ZNF33A: variants seen among roughly 807,000 people sequenced by gnomAD.
ZNF33A encodes the protein brain my041 protein.
In ZNF33A, 9 loss-of-function variants were observed where a neutral mutation model predicts 15.9. That is an observed-to-expected ratio of 0.57 (90% confidence interval 0.34 to 0.99). The LOEUF (loss-of-function observed/expected upper bound fraction) is 0.99. Among genes scored for constraint, ZNF33A ranks in the 50% least tolerant of loss-of-function variants. The probability of loss-of-function intolerance (pLI) is 0.02; values close to 1 mark genes in which losing one functional copy is unlikely to be tolerated. For synonymous variants in ZNF33A, 294 were observed against 324.2 expected (o/e 0.91, Z 1.00); for missense variants, 843 against 941.6 (o/e 0.90, Z 1.37).
chr10:38,056,245 A>G lies in ZNF33A; in HGVS notation c.2121A>G (p.Ser707=), dbSNP rs2066474847. 6.2e-7 allele frequency: 1 copy of G among 1,614,086 alleles called. No homozygotes were observed. The highest frequency in any genetic ancestry group is 8.5e-7 in the Non-Finnish European group (1 of 1,179,988). Residue 707 remains serine, a synonymous_variant, in exon 5 of 5, where the codon TCA becomes TCG. Transcript: ENST00000432900. ...ECGKFFRHKS[S]LTVHHRAHTG... Reference sequence around the variant, plus strand: ...GGAAATTCTTCAGGCACAAATCATCACTCACAGTACATCACAGGGCTCACA... The same window carrying G: ...GGAAATTCTTCAGGCACAAATCATCGCTCACAGTACATCACAGGGCTCACA...
intron 4 of ZNF33A, among the ~76,000 whole-genome samples, chr10:38,045,414 G>A (rs916787911): frequency 6.6e-6 from 1 of 152,166 alleles, no homozygotes; most frequent in Admixed American, 6.5e-5. Context: ...GATTGCTGAC[G>A]TATTGCTCTA....
rs1178126415 is a variant in ZNF33A, at chr10:38,055,821, C to T, written c.1697C>T (p.Ser566Leu). 2 of 1,613,692 alleles carry T rather than the reference C, an allele frequency of 1.2e-6. No homozygotes were observed. The highest frequency in any genetic ancestry group is 1.7e-6 in the Non-Finnish European group (2 of 1,179,762). ...TGTGGGAAATTCTTTAGCCATAAGT[C>T]AACCCTCTCTCAACATTATAGAACA... ...PECGKFFSHK[S>L]TLSQHYRTHT... Residue 566 changes from serine to leucine, a missense_variant, in exon 5 of 5, where the codon TCA becomes TTA. Transcript: ENST00000432900.
downstream of ZNF33A, among the ~76,000 whole-genome samples, chr10:38,066,468 G>A (rs142937717): frequency 2.7e-4 from 41 of 151,712 alleles, no homozygotes; most frequent in African/African-American, 8.0e-4. Context: ...TGGCCAGGCC[G>A]GTCTTGAATT....
rs1488541586 is a variant in ZNF33A at position 38,021,446 on chromosome 10, G to T, written c.250+4060G>T. Among the ~76,000 whole-genome samples, 4 of 9,194 alleles carry T rather than the reference G, an allele frequency of 4.4e-4. No individual in the cohort carries two copies. In the East Asian group the frequency reaches 0.015, roughly 34 times the overall value. The allele number at this position is 9,194 out of a possible 152,430, so 6.0% of individuals were successfully genotyped here. ...CCATGAGGTCAGGAATTCAAGAGTAGCCTGGATAACATGGTGAAACCCTGT... is the reference window on the plus strand; with the variant it reads ...CCATGAGGTCAGGAATTCAAGAGTATCCTGGATAACATGGTGAAACCCTGT... On this transcript the variant is annotated intron_variant, in intron 4 of 4. Transcript: ENST00000432900.
rs1468700376 is a variant in ZNF33A, at chr10:38,056,671, C to G, written c.*111C>G. 2.1e-6 allele frequency: 3 copies of G among 1,414,506 alleles called. No homozygotes were observed. The highest frequency in any genetic ancestry group is 2.8e-6 in the Non-Finnish European group (3 of 1,089,248). 87.6% of individuals were successfully genotyped at this position (1,414,506 alleles called of 1,614,324 possible). On this transcript the variant is annotated 3_prime_UTR_variant, in exon 5 of 5. Transcript: ENST00000432900. ...TAGGAAGTGATATTCTATGTAATAT[C>G]AGATGGTTAATACGGGCATAACACC...
chr10:38,019,717 T>C (rs1001985870), intron 4 of ZNF33A, among the ~76,000 whole-genome samples: 3 of 152,210 alleles, frequency 2.0e-5, no homozygotes, highest in Non-Finnish European at 4.4e-5. Flanking sequence ...CAAACCTACC[T>C]TTAAAAATTG....
intron 2 of ZNF33A, among the ~76,000 whole-genome samples, chr10:38,012,911 C>T (rs1236536934): frequency 6.6e-6 from 1 of 152,130 alleles, no homozygotes; most frequent in Non-Finnish European, 1.5e-5. Flanking sequence ...CAGACTGACT[C>T]CTCTGAAGGC....
intron 2 of ZNF33A, among the ~76,000 whole-genome samples, chr10:38,013,978 T>C (rs901882718): frequency 8.6e-5 from 13 of 150,904 alleles, no homozygotes; most frequent in African/African-American, 2.7e-4. Context: ...GTGGCAGAGT[T>C]GAATAGTTGT....
chr10:38,058,160 A>G lies in ZNF33A; in HGVS notation c.*1600A>G. ...CTGAAAAAACATTAGAGTAAAAATC[A>G]TTGAAATTGAAAAGAGAAAATCGAT... is the stretch of plus-strand genomic sequence containing the variant. On this transcript the variant is annotated 3_prime_UTR_variant, in exon 5 of 5. Coordinates refer to ENST00000432900, the MANE Select transcript of ZNF33A (RefSeq NM_006954.2). The G allele has an allele frequency of 1.4e-5, 10 of 703,332 alleles. No homozygotes were observed. The highest frequency in any genetic ancestry group is 1.7e-5 in the Non-Finnish European group (10 of 572,364). The allele number at this position is 703,332 out of a possible 1,614,324, so 43.6% of individuals were successfully genotyped here. A position where few individuals can be genotyped will look rare whatever the true frequency, so the allele number is the denominator to read the frequency against.
intron 4 of ZNF33A, among the ~76,000 whole-genome samples, chr10:38,042,983 C>T (rs1427499694): frequency 6.6e-6 from 1 of 152,130 alleles, no homozygotes; most frequent in Non-Finnish European, 1.5e-5. Context: ...GCCTTTTTTA[C>T]TCTCTCGTAT....
In ZNF33A at chr10:38,055,953, A is replaced by G. The variant is rs1445140875; in HGVS notation, c.1829A>G (p.Glu610Gly). ...NRTHTGEKPY[E>G]CNECGKAFYQ... ...ACACATACAGGGGAGAAACCCTATG[A>G]ATGTAATGAATGTGGAAAAGCCTTC... is the stretch of plus-strand genomic sequence containing the variant. The change falls in exon 5 of 5, where the codon GAA becomes GGA. Residue 610 changes from glutamate (E) to glycine (G), a missense_variant. Transcript: ENST00000432900. The G allele has an allele frequency of 1.2e-6, 2 of 1,614,034 alleles. No homozygotes were observed. The highest frequency in any genetic ancestry group is 3.3e-5 in the Admixed American group (2 of 60,016).
chr10:38,034,066 A>G (rs2135649657), intron 4 of ZNF33A, among the ~76,000 whole-genome samples: 1 of 152,224 alleles, frequency 6.6e-6, no homozygotes, highest in South Asian at 2.1e-4. Flanking sequence ...TCCTTTGTCA[A>G]TTTAAAACAT....
downstream of ZNF33A, chr10:38,064,076 A>C (rs1406878213): frequency 6.3e-7 from 1 of 1,595,932 alleles, no homozygotes; most frequent in Non-Finnish European, 8.5e-7. Flanking sequence ...CACCATCCTT[A>C]CTCCCTCCCA....
chr10:38,044,680 T>A (rs1453145530), intron 4 of ZNF33A, among the ~76,000 whole-genome samples: 1 of 152,056 alleles, frequency 6.6e-6, no homozygotes, highest in Non-Finnish European at 1.5e-5. Flanking sequence ...TTATTTTTAT[T>A]TTTTATTTTG....
intron 4 of ZNF33A, among the ~76,000 whole-genome samples, chr10:38,028,210 G>T (rs1216383948): frequency 6.6e-6 from 1 of 152,096 alleles, no homozygotes; most frequent in Admixed American, 6.6e-5. Context: ...CAAGGCTGCA[G>T]TGAGTCATGT....
At chr10:38,028,936 T>C (rs2065100173) in intron 4 of ZNF33A, among the ~76,000 whole-genome samples, 1 of 152,242 alleles carries the variant, frequency 6.6e-6, no homozygotes. Flanking sequence ...CAATGTCATA[T>C]GAAGACCTTG....
In ZNF33A at chr10:38,010,788, G is replaced by A; in HGVS notation, c.-45+5G>A. 3 of 1,598,460 alleles carry A rather than the reference G, an allele frequency of 1.9e-6. No homozygotes were observed. The highest frequency in any genetic ancestry group is 1.7e-6 in the Non-Finnish European group (2 of 1,179,796). On this transcript the variant is annotated splice_donor_5th_base_variant and intron_variant, in intron 1 of 4. Coordinates refer to ENST00000432900, the MANE Select transcript of ZNF33A (RefSeq NM_006954.2). ...GCAACCCGACGAGGGAGTGGGGTAA[G>A]CCCCAGTGGGTTGGGCAGGGAGAGA...
chr10:38,046,797 AT>A (rs1463281006), intron 4 of ZNF33A, among the ~76,000 whole-genome samples: 1 of 152,062 alleles, frequency 6.6e-6, no homozygotes, highest in Non-Finnish European at 1.5e-5. Context: ...GACACGGAAG[AT>A]TTAAAAAAAA....
chr10:38,042,503 C>CTTTTTTTTTTTTTTTTTCT (rs34942508), intron 4 of ZNF33A, among the ~76,000 whole-genome samples: 1 of 135,520 alleles, frequency 7.4e-6, no homozygotes, highest in Non-Finnish European at 1.6e-5. Flanking sequence ...TTGCTTTATT[C>CTTTTTTTTTTTTTTTTTCT]TTTTTTTTTT....
Sources: allele counts gnomAD v4.1 joint callset (sites outside exome capture counted in the v4.1 genomes callset), GRCh38; gene constraint gnomAD v4.1.1; transcripts MANE v1.5; gene names NCBI Gene and HGNC (gene_info 2026-07-23, HGNC 2026-07-21).